RAPGEF6: variants seen among roughly 807,000 people sequenced by gnomAD.
The protein encoded by RAPGEF6 is PDZ domain containing guanine nucleotide exchange factor (GEF) 2.
Under a neutral mutation model 171.4 loss-of-function variants are expected in RAPGEF6, and 56 were observed. The ratio of observed to expected loss-of-function variants is 0.33; its 90% confidence interval spans 0.26 to 0.41. The LOEUF (loss-of-function observed/expected upper bound fraction) is 0.41. Ranked by LOEUF, RAPGEF6 falls within the 10% of genes least tolerant of loss-of-function variation. RAPGEF6 has a pLI of 1.00. For missense variants in RAPGEF6, 1,674 were observed against 1,921.4 expected, an observed-to-expected ratio of 0.87 and a Z score of 2.41; for synonymous variants, 692 against 650.1, an observed-to-expected ratio of 1.06 and a Z score of -0.98.
intron 1 of RAPGEF6, among the ~76,000 whole-genome samples, chr5:131,613,266 C>T (rs912055097): frequency 1.3e-4 from 20 of 152,090 alleles, no homozygotes; most frequent in Non-Finnish European, 2.6e-4. Flanking sequence ...AAGAATTAGC[C>T]GGGCATGGTG....
chr5:131,521,889 ACACTCT>A (rs767317005), intron 6 of RAPGEF6, among the ~76,000 whole-genome samples: 2,271 of 130,626 alleles, frequency 0.017, 17 homozygotes, highest in Middle Eastern at 0.037. Context: ...ACACACACAC[ACACTCT>A]CTCTCTCTCT....
chr5:131,576,533 C>CT (rs1054244997), intron 4 of RAPGEF6, among the ~76,000 whole-genome samples: 7 of 152,196 alleles, frequency 4.6e-5, no homozygotes, highest in African/African-American at 1.4e-4. Context: ...GGCTGCTCTA[C>CT]TGCCCAAGGA....
At chr5:131,503,429 T>C (rs1757150297) in intron 11 of RAPGEF6, among the ~76,000 whole-genome samples, 1 of 152,188 alleles carries the variant, frequency 6.6e-6, no homozygotes, top group African/African-American at 2.4e-5. Context: ...AAAAAGTATA[T>C]GTGTAAGCCT....
chr5:131,631,734 C>A (rs963844947), intron 1 of RAPGEF6, among the ~76,000 whole-genome samples: 2 of 152,120 alleles, frequency 1.3e-5, no homozygotes, highest in Non-Finnish European at 2.9e-5. Flanking sequence ...ATCTGTTGAG[C>A]CCAGAAATTA....
intron 3 of RAPGEF6, among the ~76,000 whole-genome samples, chr5:131,596,523 G>A (rs1763914637): frequency 6.6e-6 from 1 of 151,854 alleles, no homozygotes; most frequent in Admixed American, 6.6e-5. Context: ...TTTCAGCAAT[G>A]GACAGATCGA....
intron 6 of RAPGEF6, among the ~76,000 whole-genome samples, chr5:131,526,592 C>T (rs1758881190): frequency 6.6e-6 from 1 of 152,246 alleles, no homozygotes; most frequent in African/African-American, 2.4e-5. Flanking sequence ...AAAGGCTTTT[C>T]CTCCAAGAGA....
At position 131,470,379 on chromosome 5, in the gene RAPGEF6, T is replaced by C. The variant is rs556842316; in HGVS notation, c.2239+2208A>G. 3.9e-5 allele frequency among the ~76,000 whole-genome samples: 6 copies of C among 152,314 alleles called. No individual in the cohort carries two copies. The East Asian group carries it at 1.2e-3, about 29-fold the overall frequency. On this transcript the variant is annotated intron_variant, in intron 17 of 27. Transcript: ENST00000509018. Reference sequence around the variant, plus strand: ...TTTATAGGTCTGAATTTCAGCTCCATGGGGACTTAGTTTCTAAAACTTAAT... The same window carrying C: ...TTTATAGGTCTGAATTTCAGCTCCACGGGGACTTAGTTTCTAAAACTTAAT...
chr5:131,520,554 C>T (rs1396130294), intron 7 of RAPGEF6, among the ~76,000 whole-genome samples: 1 of 152,050 alleles, frequency 6.6e-6, no homozygotes, highest in Non-Finnish European at 1.5e-5. Context: ...TTTGACAGTT[C>T]TGAAATAGGT....
intron 22 of RAPGEF6, among the ~76,000 whole-genome samples, chr5:131,445,259 T>A (rs1338542339): frequency 6.6e-6 from 1 of 152,238 alleles, no homozygotes; most frequent in Non-Finnish European, 1.5e-5. Context: ...ATTAAAAGGC[T>A]CCTTACCCTT....
chr5:131,602,199 T>C (rs564869045), intron 3 of RAPGEF6, among the ~76,000 whole-genome samples: 2 of 152,276 alleles, frequency 1.3e-5, no homozygotes, highest in South Asian at 4.1e-4. Context: ...TCATAGAGTG[T>C]ACTTAACACA....
intron 11 of RAPGEF6, among the ~76,000 whole-genome samples, chr5:131,499,318 T>G (rs946227244): frequency 6.6e-6 from 1 of 152,134 alleles, no homozygotes; most frequent in Non-Finnish European, 1.5e-5. Context: ...GTGTGGCTCA[T>G]GCCTGTAATC....
At chr5:131,462,159 T>A (rs1753978146) in intron 18 of RAPGEF6, 71 bp from the exon 19 acceptor site, 10 of 1,191,474 alleles carry the variant, frequency 8.4e-6, no homozygotes, top group Non-Finnish European at 1.1e-5. Context: ...TTCCTTTTTG[T>A]CGTTGTAAAA....
chr5:131,492,460 T>TA (rs1756345690), intron 14 of RAPGEF6, 122 bp downstream of exon 14: 3 of 930,450 alleles, frequency 3.2e-6, no homozygotes, highest in East Asian at 2.5e-5. Flanking sequence ...ATACTACCTC[T>TA]AAAAAAAGGC....
At position 131,525,773 on chromosome 5, in the gene RAPGEF6, T is replaced by C. The variant is rs142908516; in HGVS notation, c.496-4252A>G. Among the ~76,000 whole-genome samples, 970 of 152,138 alleles carry C rather than the reference T, an allele frequency of 6.4e-3. 7 individuals are homozygous for C. The highest frequency in any genetic ancestry group is 0.017 in the African/African-American group (699 of 41,488). On this transcript the variant is annotated intron_variant, in intron 6 of 27. Coordinates refer to ENST00000509018, the MANE Select transcript of RAPGEF6 (RefSeq NM_016340.6). ...TGTCAGGGGTAGGAGATAGTATATA[T>C]TGCAAATTCCTACAGAGGTAAGAAG... is the stretch of plus-strand genomic sequence containing the variant.
At chr5:131,570,142 T>C (rs1167618217) in intron 4 of RAPGEF6, among the ~76,000 whole-genome samples, 1 of 151,258 alleles carries the variant, frequency 6.6e-6, no homozygotes, top group Non-Finnish European at 1.5e-5. Flanking sequence ...AGATACATTC[T>C]TACAATTTGA....
intron 6 of RAPGEF6, among the ~76,000 whole-genome samples, chr5:131,527,531 G>A (rs1018097033): frequency 6.6e-6 from 1 of 152,104 alleles, no homozygotes; most frequent in Non-Finnish European, 1.5e-5. Context: ...GGGAGCAAAT[G>A]TAAGGCTACA....
intron 4 of RAPGEF6, among the ~76,000 whole-genome samples, chr5:131,572,943 T>C (rs117036319): frequency 6.6e-6 from 1 of 152,132 alleles, no homozygotes; most frequent in Non-Finnish European, 1.5e-5. Flanking sequence ...TTGTCAAAAA[T>C]TGCGCAAATG....
chr5:131,524,610 GA>G (rs1758749453), intron 6 of RAPGEF6, among the ~76,000 whole-genome samples: 1 of 2,360 alleles, frequency 4.2e-4, no homozygotes, highest in Non-Finnish European at 2.8e-3. Context: ...GAGAGAGATT[GA>G]GAGAGAGAGA....
At chr5:131,548,020 T>A in intron 6 of RAPGEF6, 27 bp downstream of exon 6, 1 of 1,606,394 alleles carries the variant, frequency 6.2e-7, no homozygotes, top group Non-Finnish European at 8.5e-7. Flanking sequence ...TAAGGAAGAT[T>A]CATGAAGTGT....
Sources: allele counts gnomAD v4.1 joint callset (sites outside exome capture counted in the v4.1 genomes callset), GRCh38; gene constraint gnomAD v4.1.1; transcripts MANE v1.5; gene names NCBI Gene and HGNC (gene_info 2026-07-23, HGNC 2026-07-21).